NEGR1: variants seen among roughly 807,000 people sequenced by gnomAD.
NEGR1 encodes the protein neuronal growth regulator 1.
Under a neutral mutation model 40.9 loss-of-function variants are expected in NEGR1, and 10 were observed. The ratio of observed to expected loss-of-function variants is 0.24; its 90% CI spans 0.15 to 0.42. The LOEUF (loss-of-function observed/expected upper bound fraction) is 0.42, where lower values mean the gene tolerates loss of function less well. NEGR1 is among the 10% of genes least tolerant of loss of function. NEGR1 has a pLI of 1.00. For missense variants in NEGR1, 352 were observed against 438.9 expected (o/e 0.80, Z 1.77); for synonymous variants, 185 against 166.8 (o/e 1.11, Z -0.84).
At chr1:72,113,161 A>C (rs1309437668) in intron 1 of NEGR1, among the ~76,000 whole-genome samples, 2 of 151,722 alleles carry the variant, frequency 1.3e-5, no homozygotes, top group Non-Finnish European at 2.9e-5. Context: ...CATGATGACC[A>C]GTATTATGAA....
At chr1:72,061,157 G>T (rs2821269) in intron 1 of NEGR1, among the ~76,000 whole-genome samples, 2,411 of 151,624 alleles carry the variant, frequency 0.016, 66 homozygotes, top group African/African-American at 0.056. Flanking sequence ...TCTTAGAAAA[G>T]ATTAACATAA....
chr1:72,222,543 T>A (rs1450925027), intron 1 of NEGR1, among the ~76,000 whole-genome samples: 3 of 152,140 alleles, frequency 2.0e-5, no homozygotes, highest in Non-Finnish European at 2.9e-5. Context: ...TGGGGATGTA[T>A]AAACTTCCTG....
chr1:71,836,480 G>GTATATATA lies in NEGR1; in HGVS notation c.410-60191_410-60184dup, dbSNP rs10668432. 4.4e-4 allele frequency among the ~76,000 whole-genome samples: 64 copies of GTATATATA among 144,570 alleles called. No individual in the cohort carries two copies. The South Asian group carries it at 8.4e-3, about 19-fold the overall frequency. 94.8% of individuals were successfully genotyped at this position (144,570 alleles called of 152,430 possible). On this transcript the variant is annotated intron_variant, in intron 2 of 6. Transcript: ENST00000357731. Reference sequence around the variant, plus strand: ...ACAAAAAACAACAAAATATATATGTGTATATATATATATATATATGAAGTC... The same window carrying GTATATATA: ...ACAAAAAACAACAAAATATATATGTGTATATATATATATATATATATATATATGAAGTC...
At chr1:71,555,197 C>A (rs1040930836) in intron 6 of NEGR1, among the ~76,000 whole-genome samples, 1 of 151,550 alleles carries the variant, frequency 6.6e-6, no homozygotes, top group African/African-American at 2.4e-5. Context: ...TTACATCAAA[C>A]CCTGGTTTAG....
chr1:71,674,524 T>C (rs1652547010), intron 4 of NEGR1, among the ~76,000 whole-genome samples: 1 of 151,866 alleles, frequency 6.6e-6, no homozygotes, highest in South Asian at 2.1e-4. Flanking sequence ...CAATTCTAGG[T>C]AGTGAATATT....
intron 5 of NEGR1, 61 bp from the exon 6 acceptor site, chr1:71,593,029 T>A (rs1649559556): frequency 7.7e-7 from 1 of 1,303,464 alleles, no homozygotes; most frequent in East Asian, 2.3e-5. Flanking sequence ...CATTTTTTTA[T>A]CTTAGCTGGG....
chr1:72,273,917 T>C (rs947426213), intron 1 of NEGR1, among the ~76,000 whole-genome samples: 2 of 151,580 alleles, frequency 1.3e-5, no homozygotes, highest in African/African-American at 4.8e-5. Flanking sequence ...GATATTGGCC[T>C]GATACATGAA....
intron 6 of NEGR1, among the ~76,000 whole-genome samples, chr1:71,469,161 G>A (rs1254384181): frequency 1.3e-5 from 2 of 151,966 alleles, no homozygotes; most frequent in East Asian, 3.9e-4. Flanking sequence ...TTAACCGCTT[G>A]TAAATTTTAA....
At chr1:71,540,381 G>A (rs578032134) in intron 6 of NEGR1, among the ~76,000 whole-genome samples, 3 of 151,902 alleles carry the variant, frequency 2.0e-5, no homozygotes, top group East Asian at 3.9e-4. Context: ...TAGATACCTG[G>A]TAATTAAGAG....
chr1:71,698,467 T>A (rs990466447), intron 3 of NEGR1, among the ~76,000 whole-genome samples: 3 of 150,288 alleles, frequency 2.0e-5, no homozygotes, highest in African/African-American at 4.8e-5. Flanking sequence ...GCAGTGTAGA[T>A]GAAATTCACT....
At chr1:71,448,353 C>T (rs1646597970) in intron 6 of NEGR1, among the ~76,000 whole-genome samples, 1 of 152,028 alleles carries the variant, frequency 6.6e-6, no homozygotes, top group African/African-American at 2.4e-5. Context: ...AATCCCAGCA[C>T]TTTGGGAGAC....
chr1:71,536,039 T>C (rs1461013478), intron 6 of NEGR1, among the ~76,000 whole-genome samples: 4 of 151,608 alleles, frequency 2.6e-5, no homozygotes, highest in Non-Finnish European at 5.9e-5. Flanking sequence ...AAAATTTGCA[T>C]ATGAAACAAT....
intron 2 of NEGR1, among the ~76,000 whole-genome samples, chr1:71,914,140 A>G (rs1661506677): frequency 1.3e-5 from 2 of 152,214 alleles, no homozygotes; most frequent in Admixed American, 1.3e-4. Context: ...ACAGGAATTA[A>G]CTCTTTCTTA....
At chr1:71,696,309 T>C (rs1002162096) in intron 4 of NEGR1, among the ~76,000 whole-genome samples, 1 of 151,772 alleles carries the variant, frequency 6.6e-6, no homozygotes, top group Non-Finnish European at 1.5e-5. Flanking sequence ...TAAAAAGTGT[T>C]AATCCAAAAA....
At chr1:71,974,635 T>A (rs2100325535) in intron 1 of NEGR1, among the ~76,000 whole-genome samples, 2 of 152,254 alleles carry the variant, frequency 1.3e-5, no homozygotes, top group Non-Finnish European at 2.9e-5. Context: ...GGCAAGATAT[T>A]TCTGAATCCT....
At chr1:72,102,195 T>A (rs921463812) in intron 1 of NEGR1, among the ~76,000 whole-genome samples, 10 of 152,120 alleles carry the variant, frequency 6.6e-5, no homozygotes, top group Admixed American at 1.3e-4. Flanking sequence ...AGTATACTTA[T>A]AAAATGTTTT....
intron 1 of NEGR1, among the ~76,000 whole-genome samples, chr1:71,944,365 A>T (rs1286023482): frequency 2.6e-5 from 4 of 152,144 alleles, no homozygotes; most frequent in African/African-American, 9.7e-5. Flanking sequence ...TAGGCTCCAG[A>T]CAAGCCTTTC....
intron 6 of NEGR1, among the ~76,000 whole-genome samples, chr1:71,473,232 C>A (rs1646793954): frequency 6.6e-6 from 1 of 152,030 alleles, no homozygotes; most frequent in African/African-American, 2.4e-5. Context: ...TAAATACTTA[C>A]ATATTTTATA....
intron 1 of NEGR1, among the ~76,000 whole-genome samples, chr1:72,264,656 GAGT>G (rs1655579661): frequency 6.7e-6 from 1 of 149,280 alleles, no homozygotes; most frequent in African/African-American, 2.5e-5. Context: ...AATAATTTTA[GAGT>G]AGTATTTTAG....
Sources: allele counts gnomAD v4.1 joint callset (sites outside exome capture counted in the v4.1 genomes callset), GRCh38; gene constraint gnomAD v4.1.1; transcripts MANE v1.5; gene names NCBI Gene and HGNC (gene_info 2026-07-23, HGNC 2026-07-21).